AGL: variants seen among roughly 807,000 people sequenced by gnomAD.
AGL encodes amylo-alpha-1,6-glucosidase and 4-alpha-glucanotransferase.
A neutral mutation model predicts 199.3 loss-of-function variants in AGL; 128 were observed. The ratio of observed to expected loss-of-function variants is 0.64; its 90% CI spans 0.56 to 0.74. The LOEUF is 0.74. Ranked by LOEUF, AGL falls within the 30% of genes least tolerant of loss-of-function variation. The probability of loss-of-function intolerance (pLI) is 0.00; values close to 1 mark genes in which losing one functional copy is unlikely to be tolerated. For missense variants in AGL, 1,809 were observed against 1,820.8 expected, an observed-to-expected ratio of 0.99 and a Z score of 0.12; for synonymous variants, 584 against 594.7, an observed-to-expected ratio of 0.98 and a Z score of 0.26.
chr1:99,854,117 C>T (rs1233877273), intron 2 of AGL, among the ~76,000 whole-genome samples: 1 of 151,964 alleles, frequency 6.6e-6, no homozygotes, highest in Non-Finnish European at 1.5e-5. Context: ...TCGCTTGAAC[C>T]TGGGATGCAG....
intron 2 of AGL, among the ~76,000 whole-genome samples, chr1:99,854,644 G>A (rs1406650334): frequency 1.3e-5 from 2 of 151,358 alleles, no homozygotes; most frequent in Non-Finnish European, 1.5e-5. Context: ...GGCGCCTCTA[G>A]TCCCAGCTAC....
At chr1:99,906,342 A>C (rs1654290325) in intron 27 of AGL, among the ~76,000 whole-genome samples, 1 of 152,242 alleles carries the variant, frequency 6.6e-6, no homozygotes, top group East Asian at 1.9e-4. Flanking sequence ...ATGTTGTAGC[A>C]GATGTCATAA....
At chr1:99,915,222 T>C (rs931213408) in intron 30 of AGL, among the ~76,000 whole-genome samples, 167 bp from the exon 31 acceptor site, 13 of 152,216 alleles carry the variant, frequency 8.5e-5, no homozygotes, top group Non-Finnish European at 1.3e-4. Flanking sequence ...AAACAGTCCT[T>C]CTAAGTCAGC....
intron 25 of AGL, among the ~76,000 whole-genome samples, chr1:99,898,177 G>A (rs1653488772): frequency 6.6e-6 from 1 of 151,784 alleles, no homozygotes; most frequent in Non-Finnish European, 1.5e-5. Context: ...CTCCTGAGTA[G>A]CTGGGACTAC....
At chr1:99,921,497 A>T in intron 33 of AGL, 37 bp from the exon 34 acceptor site, 1 of 1,463,310 alleles carries the variant, frequency 6.8e-7, no homozygotes, top group Non-Finnish European at 9.6e-7. Flanking sequence ...ATATGAATTA[A>T]ATTATGTCTT....
intron 9 of AGL, 37 bp downstream of exon 9, chr1:99,875,293 T>A: frequency 1.9e-6 from 3 of 1,612,090 alleles, no homozygotes; most frequent in Non-Finnish European, 2.5e-6. Context: ...TTTCCTTGCA[T>A]CTTACTACTA....
In AGL at chr1:99,851,216, A is replaced by G. The variant is rs1648926272; in HGVS notation, c.82+92A>G. ...GTTAAATGTTTTAAAGCTCTAAGAT[A>G]AATATTATTTCCAAGGGTCTAAAAC... On this transcript the variant is annotated intron_variant, in intron 2 of 33. Coordinates refer to ENST00000361915, the MANE Select transcript of AGL (RefSeq NM_000642.3). 5.2e-6 allele frequency: 6 copies of G among 1,156,580 alleles called. No homozygotes were observed. The South Asian group carries it at 6.2e-5, about 12-fold the overall frequency. 71.6% of individuals were successfully genotyped at this position (1,156,580 alleles called of 1,614,324 possible).
upstream of AGL, among the ~76,000 whole-genome samples, chr1:99,849,647 GTGA>G (rs1463269016): frequency 6.6e-6 from 1 of 152,234 alleles, no homozygotes; most frequent in Non-Finnish European, 1.5e-5. Context: ...AGCACTAGAA[GTGA>G]TGGACACGTG....
intron 8 of AGL, 77 bp from the exon 9 acceptor site, chr1:99,875,077 C>T (rs2101127449): frequency 7.6e-7 from 1 of 1,312,276 alleles, no homozygotes; most frequent in South Asian, 1.3e-5. Flanking sequence ...GTTTCTGTGA[C>T]CTTTGTTAGA....
chr1:99,911,574 C>A (rs1375165962), intron 28 of AGL, among the ~76,000 whole-genome samples: 1 of 152,144 alleles, frequency 6.6e-6, no homozygotes, highest in African/African-American at 2.4e-5. Flanking sequence ...TCCCAAGTAC[C>A]TGGGGACTAC....
chr1:99,902,539 G>C (rs1025809126), intron 26 of AGL, 144 bp from the exon 27 acceptor site: 17 of 670,230 alleles, frequency 2.5e-5, no homozygotes, highest in African/African-American at 2.0e-4. Context: ...TATAGGAGCT[G>C]CTTCTTCCCT....
chr1:99,906,160 A>AG (rs1007909866), intron 27 of AGL, among the ~76,000 whole-genome samples: 16 of 152,262 alleles, frequency 1.1e-4, no homozygotes, highest in Admixed American at 3.3e-4. Flanking sequence ...CAGCCCCTGG[A>AG]ACCACTATCC....
chr1:99,874,517 A>G lies in AGL; in HGVS notation c.959-170A>G, dbSNP rs79132413. 5.0e-3 allele frequency: 3,221 copies of G among 649,540 alleles called. 86 individuals are homozygous for G. The African/African-American group carries it at 0.053, about 11-fold the overall frequency. 40.2% of individuals were successfully genotyped at this position (649,540 alleles called of 1,614,324 possible). A position where few individuals can be genotyped will look rare whatever the true frequency, so the allele number is the denominator to read the frequency against. Reference sequence around the variant, plus strand: ...TGTTTGCGCGTGCACGCACGTGCACACACGTGCACACAGCAGGATGAGAAG... The same window carrying G: ...TGTTTGCGCGTGCACGCACGTGCACGCACGTGCACACAGCAGGATGAGAAG... On this transcript the variant is annotated intron_variant, in intron 7 of 33. Coordinates refer to ENST00000361915, the MANE Select transcript of AGL (RefSeq NM_000642.3).
At chr1:99,914,091 C>A (rs182945687) in intron 30 of AGL, among the ~76,000 whole-genome samples, 1 of 151,938 alleles carries the variant, frequency 6.6e-6, no homozygotes, top group African/African-American at 2.4e-5. Context: ...TGAGACCAGC[C>A]TGGATATCAT....
At chr1:99,863,642 A>G (rs1372348851) in intron 4 of AGL, among the ~76,000 whole-genome samples, 1 of 151,636 alleles carries the variant, frequency 6.6e-6, no homozygotes, top group Non-Finnish European at 1.5e-5. Context: ...TTTAGTAGAG[A>G]CAGGGTTTCA....
intron 27 of AGL, 112 bp downstream of exon 27, chr1:99,902,906 A>G (rs1653957792): frequency 1.2e-6 from 1 of 823,234 alleles, no homozygotes; most frequent in East Asian, 2.8e-5. Context: ...TAATGATTAA[A>G]AAGATTAACA....
At chr1:99,904,049 G>A (rs1042920533) in intron 27 of AGL, among the ~76,000 whole-genome samples, 3 of 152,140 alleles carry the variant, frequency 2.0e-5, no homozygotes, top group Non-Finnish European at 4.4e-5. Flanking sequence ...CTACTAAGTG[G>A]TAGAGGTAGA....
At chr1:99,907,797 G>A (rs1474906752) in intron 27 of AGL, among the ~76,000 whole-genome samples, 1 of 148,506 alleles carries the variant, frequency 6.7e-6, no homozygotes, top group East Asian at 2.1e-4. Context: ...ATCTCTTCAT[G>A]TGCTTGCAGG....
intron 2 of AGL, among the ~76,000 whole-genome samples, chr1:99,854,874 TTAAAG>T (rs1649286928): frequency 6.6e-6 from 1 of 151,520 alleles, no homozygotes; most frequent in Non-Finnish European, 1.5e-5. Flanking sequence ...ACACATCTGA[TTAAAG>T]AAAAGGATTG....
Sources: allele counts gnomAD v4.1 joint callset (sites outside exome capture counted in the v4.1 genomes callset), GRCh38; gene constraint gnomAD v4.1.1; transcripts MANE v1.5; gene names NCBI Gene and HGNC (gene_info 2026-07-23, HGNC 2026-07-21).